Variants in NFE2L2 observed in about 807,000 individuals in gnomAD.
NFE2L2 encodes NFE2 like bZIP transcription factor 2.
NFE2L2 carries 20 observed loss-of-function variants against 49.6 expected under a neutral mutation model. The ratio of observed to expected loss-of-function variants is 0.40; its 90% CI spans 0.28 to 0.59. The LOEUF is 0.59. Ranked by LOEUF, NFE2L2 falls within the 20% of genes least tolerant of loss-of-function variation. The pLI is 0.40. For missense variants in NFE2L2, 578 were observed against 714.2 expected, an observed-to-expected ratio of 0.81 and a Z score of 2.17; for synonymous variants, 244 against 256.5, an observed-to-expected ratio of 0.95 and a Z score of 0.47.
chr2:177,232,798 A>C, intron 3 of NFE2L2: 1 of 544,900 alleles, frequency 1.8e-6, no homozygotes, highest in Non-Finnish European at 3.3e-6. Flanking sequence ...TAAGCATTTG[A>C]AAGTAAACTT....
intron 1 of NFE2L2, among the ~76,000 whole-genome samples, chr2:177,246,710 C>T (rs1690145079): frequency 2.0e-5 from 3 of 151,804 alleles, no homozygotes; most frequent in African/African-American, 7.3e-5. Context: ...AGCAATCTTC[C>T]CACCTCAGCC....
chr2:177,233,913 C>A, intron 2 of NFE2L2, 92 bp downstream of exon 2: 1 of 1,511,034 alleles, frequency 6.6e-7, no homozygotes, highest in Non-Finnish European at 8.9e-7. Flanking sequence ...AAAAGAAAGG[C>A]AAAGCTGGAA....
chr2:177,232,542 G>A lies in NFE2L2; in HGVS notation c.444C>T (p.Pro148=), dbSNP rs535776153. ...ATFQSLVPDI[P]GHIESPVFIA... Reference sequence around the variant, plus strand: ...TGAAGACTGGGCTCTCGATGTGACCGGGAATATCAGGAACAAGTGACTGAA... The same window carrying A: ...TGAAGACTGGGCTCTCGATGTGACCAGGAATATCAGGAACAAGTGACTGAA... Residue 148 remains proline (P), a synonymous_variant, in exon 4 of 5, where the codon CCC becomes CCT. Coordinates refer to ENST00000397062, the MANE Select transcript of NFE2L2 (RefSeq NM_006164.5). 2.4e-5 allele frequency: 39 copies of A among 1,614,002 alleles called. No individual in the cohort carries two copies. The highest frequency in any genetic ancestry group is 2.9e-5 in the Non-Finnish European group (34 of 1,179,934).
Position 177,252,021 on chromosome 2 carries a change from AT to A in NFE2L2, c.45+12510del, listed in dbSNP as rs369100481. On this transcript the variant is annotated intron_variant, in intron 1 of 4. Coordinates refer to ENST00000397062, the MANE Select transcript of NFE2L2 (RefSeq NM_006164.5). Reference sequence around the variant, plus strand: ...GTCTCAAAAAAAAAAAAAAAAAGGGATTTTTTTCAAGAAGAAATGGAATGAT... The same window carrying A: ...GTCTCAAAAAAAAAAAAAAAAAGGGATTTTTTCAAGAAGAAATGGAATGAT... 2.8e-3 allele frequency among the ~76,000 whole-genome samples: 356 copies of A among 126,946 alleles called. 8 individuals carry two copies. In the East Asian group the frequency reaches 0.062, roughly 22 times the overall value. 83.3% of individuals were successfully genotyped at this position (126,946 alleles called of 152,430 possible). A position where few individuals can be genotyped will look rare whatever the true frequency, so the allele number is the denominator to read the frequency against.
At chr2:177,244,941 T>C (rs1690071736) in intron 1 of NFE2L2, among the ~76,000 whole-genome samples, 1 of 147,702 alleles carries the variant, frequency 6.8e-6, no homozygotes, top group South Asian at 2.1e-4. Context: ...AGGTGGAGAT[T>C]GCAGTAACCC....
chr2:177,233,932 C>T lies in NFE2L2; in HGVS notation c.312+73G>A, dbSNP rs151335115. 1.9e-3 allele frequency: 2,943 copies of T among 1,563,342 alleles called. 78 individuals carry two copies. The East Asian group carries it at 0.034, about 18-fold the overall frequency. ...GAAAGGCAAAGCTGGAACTCAAATC[C>T]AGATATTTTAATTCCTTGCTCAGTG... is the stretch of plus-strand genomic sequence containing the variant. On this transcript the variant is annotated intron_variant, in intron 2 of 4. Transcript: ENST00000397062.
At chr2:177,263,935 A>T in intron 1 of NFE2L2, 1 of 985,440 alleles carries the variant, frequency 1.0e-6, no homozygotes, top group Non-Finnish European at 1.2e-6. Flanking sequence ...GAGATGGATG[A>T]CTTCGCAAAG....
rs182370982 is a variant in NFE2L2 at position 177,248,476 on chromosome 2, C to G, written c.46-14205G>C. ...CCAGGCTGGAGTGCAATGGCGTGATCTCAGCTCACCGCAACCGCCGCCTCC... is the reference window on the plus strand; with the variant it reads ...CCAGGCTGGAGTGCAATGGCGTGATGTCAGCTCACCGCAACCGCCGCCTCC... On this transcript the variant is annotated intron_variant, in intron 1 of 4. Transcript: ENST00000397062. Among the ~76,000 whole-genome samples the G allele has an allele frequency of 3.3e-3, 498 of 152,198 alleles. 1 individual carries two copies. Among genetic ancestry groups the G allele is most frequent in the African/African-American group, 0.011 (450 of 41,524 alleles).
chr2:177,242,320 C>T (rs1285063011), intron 1 of NFE2L2, among the ~76,000 whole-genome samples: 1 of 152,186 alleles, frequency 6.6e-6, no homozygotes, highest in Non-Finnish European at 1.5e-5. Flanking sequence ...ATGTTGTATA[C>T]ATCAGCAGAG....
At chr2:177,243,573 T>G (rs1050569871) in intron 1 of NFE2L2, among the ~76,000 whole-genome samples, 3 of 152,124 alleles carry the variant, frequency 2.0e-5, no homozygotes, top group African/African-American at 4.8e-5. Flanking sequence ...CAGGCTGGAG[T>G]GCAGTGGCAC....
chr2:177,254,741 A>T (rs1236696513), intron 1 of NFE2L2, among the ~76,000 whole-genome samples: 1 of 152,222 alleles, frequency 6.6e-6, no homozygotes, highest in African/African-American at 2.4e-5. Flanking sequence ...GTCATTAGAC[A>T]ATGAAAAAAG....
intron 1 of NFE2L2, among the ~76,000 whole-genome samples, chr2:177,253,539 A>C (rs899983546): frequency 6.6e-6 from 1 of 152,228 alleles, no homozygotes; most frequent in African/African-American, 2.4e-5. Flanking sequence ...TAGGGTGTGT[A>C]GATACCTAAT....
At chr2:177,263,756 C>T (rs1690832126) in intron 1 of NFE2L2, 1 of 985,492 alleles carries the variant, frequency 1.0e-6, no homozygotes, top group South Asian at 4.7e-5. Flanking sequence ...TACGAGGGGC[C>T]AACTCCGGGT....
At chr2:177,247,857 T>C (rs1690191003) in intron 1 of NFE2L2, among the ~76,000 whole-genome samples, 1 of 152,162 alleles carries the variant, frequency 6.6e-6, no homozygotes, top group Admixed American at 6.5e-5. Context: ...ATGCAGAGGC[T>C]GGGGTACCCG....
intron 1 of NFE2L2, among the ~76,000 whole-genome samples, chr2:177,237,460 C>T (rs1360416673): frequency 6.6e-6 from 1 of 152,216 alleles, no homozygotes; most frequent in African/African-American, 2.4e-5. Flanking sequence ...TTCTGATGGA[C>T]ATGTTTACCC....
rs1689565490 is a variant in NFE2L2 at position 177,231,868 on chromosome 2, A to T, written c.735T>A (p.His245Gln). The stretch of plus-strand genomic sequence containing the variant: ...AGGAATCCTCAAAAGCATTAAGAAA[A>T]TGTGGACTACAGTTACCTACTTCTT... ...MEKEVGNCSP[H>Q]FLNAFEDSFS... Residue 245 changes from histidine (H) to glutamine (Q), a missense_variant, in exon 5 of 5, where the codon CAT becomes CAA. Physicochemically the swap from His to Gln is conservative, Grantham distance 24. Around this residue, in one of 3 missense-constraint regions of NFE2L2, gnomAD observed 368 missense variants for 384.6 expected, o/e 0.96. Transcript: ENST00000397062. 2 of 1,614,070 alleles carry T rather than the reference A, an allele frequency of 1.2e-6. No individual in the cohort carries two copies. The highest frequency in any genetic ancestry group is 1.7e-5 in the Admixed American group (1 of 60,004).
intron 2 of NFE2L2, chr2:177,233,743 C>G: frequency 1.8e-6 from 1 of 563,236 alleles, no homozygotes; most frequent in South Asian, 2.3e-5. Flanking sequence ...TTGATCCTTA[C>G]AGGATGTTTC....
intron 1 of NFE2L2, chr2:177,263,632 G>A (rs1421191336): frequency 1.0e-6 from 1 of 985,494 alleles, no homozygotes; most frequent in African/African-American, 1.7e-5. Flanking sequence ...CGGAAGCCAA[G>A]GCCACGCGCG....
chr2:177,230,970 C>G lies in NFE2L2; in HGVS notation c.1633G>C (p.Glu545Gln). 1 of 1,609,604 alleles carries G rather than the reference C, an allele frequency of 6.2e-7. No individual in the cohort carries two copies. Among genetic ancestry groups the G allele is most frequent in the Non-Finnish European group, 8.5e-7 (1 of 1,178,984 alleles). Residue 545 changes from glutamate (E) to glutamine (Q), a missense_variant, in exon 5 of 5, where the codon GAA (glutamate) becomes CAA (glutamine). Transcript: ENST00000397062. ...EKEKLLKEKGENDKSLHLLKK... is the reference protein window; with the variant it reads ...EKEKLLKEKGQNDKSLHLLKK... ...AGTAGGTGAAGGCTTTTGTCATTTT[C>G]TCCTTTTTCTTTGAGCAATTTTTCT...
Sources: allele counts gnomAD v4.1 joint callset (sites outside exome capture counted in the v4.1 genomes callset), GRCh38; gene constraint gnomAD v4.1.1; regional missense constraint gnomAD v4.1.1; transcripts MANE v1.5; gene names NCBI Gene and HGNC (gene_info 2026-07-23, HGNC 2026-07-21).